FIRRM: variants seen among roughly 807,000 people sequenced by gnomAD.
FIRRM encodes FIGNL1 interacting regulator of recombination and mitosis.
the FIRRM span, chr1:169,802,873 A>G: frequency 6.5e-6 from 4 of 614,208 alleles, no homozygotes; most frequent in East Asian, 8.3e-5. Flanking sequence ...ATATAGAAAC[A>G]TGAATTCTGA....
the FIRRM span, among the ~76,000 whole-genome samples, chr1:169,797,686 A>G: frequency 1.3e-5 from 2 of 152,174 alleles, no homozygotes; most frequent in Non-Finnish European, 2.9e-5. Context: ...CTGAGATTAC[A>G]GGCACGTGCC....
chr1:169,850,383 C>CTATT, the FIRRM span: 1 of 1,443,894 alleles, frequency 6.9e-7, no homozygotes, highest in Non-Finnish European at 9.5e-7. Flanking sequence ...ATTCTTTGTC[C>CTATT]TATTTTTTTT....
chr1:169,800,715 C>CTTTTTTTTTTTTT, the FIRRM span, among the ~76,000 whole-genome samples: 2 of 136,924 alleles, frequency 1.5e-5, no homozygotes, highest in African/African-American at 2.7e-5. Context: ...TCCTTTCTCT[C>CTTTTTTTTTTTTT]TTTTTTTTTT....
the FIRRM span, chr1:169,852,044 A>T: frequency 6.8e-7 from 1 of 1,467,360 alleles, no homozygotes; most frequent in Non-Finnish European, 9.4e-7. Context: ...CTGAATTTCA[A>T]ATCAAATAGA....
the FIRRM span, among the ~76,000 whole-genome samples, chr1:169,817,701 G>T: frequency 1.1e-4 from 17 of 152,092 alleles, no homozygotes; most frequent in East Asian, 5.8e-4. Context: ...AGTATAAAAT[G>T]TAATCAGTAT....
chr1:169,809,123 G>A, the FIRRM span, among the ~76,000 whole-genome samples: 5 of 152,130 alleles, frequency 3.3e-5, no homozygotes, highest in Non-Finnish European at 7.4e-5. Context: ...CAGACCCTAG[G>A]GGAGGGTGGA....
the FIRRM span, chr1:169,796,028 G>T: frequency 1.1e-6 from 1 of 937,248 alleles, no homozygotes; most frequent in African/African-American, 1.8e-5. Context: ...TTTGAGCCCA[G>T]CTTTATACAA....
the FIRRM span, chr1:169,847,869 G>T: frequency 1.0e-5 from 11 of 1,091,008 alleles, no homozygotes; most frequent in Non-Finnish European, 1.4e-5. Flanking sequence ...AGTGATTAAG[G>T]GATTTTTAGG....
chr1:169,824,632 A>G, the FIRRM span, among the ~76,000 whole-genome samples: 28 of 152,174 alleles, frequency 1.8e-4, no homozygotes, highest in African/African-American at 6.0e-4. Flanking sequence ...TGACCACCAC[A>G]TTGCTGCATC....
chr1:169,784,174 T>C, the FIRRM span, among the ~76,000 whole-genome samples: 2 of 152,158 alleles, frequency 1.3e-5, no homozygotes, highest in Non-Finnish European at 2.9e-5. Flanking sequence ...TGGGTTATTC[T>C]ACATATAAAG....
the FIRRM span, among the ~76,000 whole-genome samples, chr1:169,796,460 A>G: frequency 2.0e-5 from 3 of 152,206 alleles, no homozygotes; most frequent in African/African-American, 7.2e-5. Context: ...AGTTTTCTTC[A>G]TCTGAGTAAA....
the FIRRM span, chr1:169,849,447 G>A: frequency 7.4e-7 from 1 of 1,344,084 alleles, no homozygotes; most frequent in East Asian, 2.3e-5. Context: ...GCTATTTTAT[G>A]ATTATCTATT....
the FIRRM span, among the ~76,000 whole-genome samples, chr1:169,840,961 C>T: frequency 6.6e-6 from 1 of 152,076 alleles, no homozygotes; most frequent in African/African-American, 2.4e-5. Context: ...TTGCTTATTG[C>T]TCTGGCTTGA....
At chr1:169,809,240 C>G in the FIRRM span, among the ~76,000 whole-genome samples, 11 of 152,142 alleles carry the variant, frequency 7.2e-5, no homozygotes, top group Non-Finnish European at 1.3e-4. Flanking sequence ...CCTGCCCCTC[C>G]CCTTGTATCC....
chr1:169,790,524 A>G, the FIRRM span, among the ~76,000 whole-genome samples: 4 of 151,764 alleles, frequency 2.6e-5, no homozygotes, highest in East Asian at 7.8e-4. Flanking sequence ...TCTAGTTCCC[A>G]TGACTGGGCT....
the FIRRM span, chr1:169,832,520 T>C: frequency 1.1e-5 from 18 of 1,582,700 alleles, no homozygotes; most frequent in Non-Finnish European, 1.4e-5. Flanking sequence ...AGGAAGGATA[T>C]CATCTTTGTC....
the FIRRM span, among the ~76,000 whole-genome samples, chr1:169,789,621 C>T: frequency 6.6e-6 from 1 of 152,178 alleles, no homozygotes; most frequent in Non-Finnish European, 1.5e-5. Flanking sequence ...TCTTCTTCAT[C>T]CTAAATAATC....
At chr1:169,805,628 T>A in the FIRRM span, among the ~76,000 whole-genome samples, 106,224 of 152,000 alleles carry the variant, frequency 0.7, 37,302 homozygotes, top group Middle Eastern at 0.85. Context: ...ATACCATGGA[T>A]ATTAATTTGA....
At chr1:169,798,397 A>G in the FIRRM span, among the ~76,000 whole-genome samples, 1 of 151,760 alleles carries the variant, frequency 6.6e-6, no homozygotes, top group Non-Finnish European at 1.5e-5. Context: ...CCTCCTGAGC[A>G]GCTGGGATTA....
Sources: gnomAD v4.1 joint callset for allele counts (sites outside exome capture counted in the v4.1 genomes callset) on GRCh38, gnomAD v4.1.1 for gene constraint, MANE v1.5 for transcripts, NCBI Gene and HGNC (gene_info 2026-07-23, HGNC 2026-07-21) for gene names.